Variants in HDLBP observed in about 807,000 individuals in gnomAD.
HDLBP encodes high density lipoprotein binding protein, also known as vigilin.
In HDLBP, 30 loss-of-function variants were observed where a neutral mutation model predicts 137.3. That is an observed-to-expected ratio of 0.22 (90% confidence interval 0.16 to 0.30). HDLBP has a LOEUF of 0.30. Ranked by LOEUF, HDLBP falls within the 10% of genes least tolerant of loss-of-function variation. HDLBP has a pLI of 1.00. For synonymous variants in HDLBP, 606 were observed against 596.0 expected (o/e 1.02, Z -0.24); for missense variants, 1,119 against 1,667.3 (o/e 0.67, Z 5.73).
chr2:241,288,225 T>C lies in HDLBP; in HGVS notation c.-102-19684A>G, dbSNP rs113788336. Among the ~76,000 whole-genome samples, 145 of 152,382 alleles carry C rather than the reference T, an allele frequency of 9.5e-4. 2 individuals are homozygous for C. The highest frequency in any genetic ancestry group is 3.0e-3 in the African/African-American group (126 of 41,598). ...TATTCTCATTACAATTGCCACGTTA[T>C]CTGCAAGACGTCTGAATTAAAATTT... On this transcript the variant is annotated intron_variant, in intron 1 of 27. Coordinates refer to ENST00000310931, the MANE Select transcript of HDLBP (RefSeq NM_005336.6).
At chr2:241,313,223 A>G (rs1011054994) in intron 1 of HDLBP, among the ~76,000 whole-genome samples, 5 of 152,184 alleles carry the variant, frequency 3.3e-5, no homozygotes, top group Non-Finnish European at 7.3e-5. Context: ...TCTTCTACAA[A>G]TAAGTCTCTC....
chr2:241,310,517 C>T (rs530628980), intron 1 of HDLBP, among the ~76,000 whole-genome samples: 65 of 152,124 alleles, frequency 4.3e-4, no homozygotes, highest in African/African-American at 1.5e-3. Context: ...TCACTTTGTA[C>T]CCCCTAAATA....
At chr2:241,263,350 CCA>C (rs1387087008) in intron 4 of HDLBP, among the ~76,000 whole-genome samples, 1 of 152,180 alleles carries the variant, frequency 6.6e-6, no homozygotes, top group African/African-American at 2.4e-5. Flanking sequence ...GGTGCACACA[CCA>C]GAGGGGGACA....
rs1489363665 is a variant in HDLBP at position 241,227,303 on chromosome 2, TTTTA to T, written c.*2294_*2297del. ...CCAGCATGCTACATCTGGTTTCGGG[TTTTA>T]TTTTAGAATTTATAAAATTCCAGTG... On this transcript the variant is annotated 3_prime_UTR_variant, in exon 28 of 28. Coordinates refer to ENST00000310931, the MANE Select transcript of HDLBP (RefSeq NM_005336.6). 6.6e-6 allele frequency: 1 copy of T among 152,338 alleles called. No homozygotes were observed. Among genetic ancestry groups the T allele is most frequent in the Non-Finnish European group, 1.5e-5 (1 of 68,004 alleles). The allele number at this position is 152,338 out of a possible 1,614,324, so 9.4% of individuals were successfully genotyped here.
intron 7 of HDLBP, among the ~76,000 whole-genome samples, chr2:241,255,866 A>G (rs1206891470): frequency 1.3e-5 from 2 of 152,238 alleles, no homozygotes; most frequent in African/African-American, 2.4e-5. Flanking sequence ...TCAGACCTCA[A>G]AGTTCACTAA....
rs890886714 is a variant in HDLBP at position 241,228,714 on chromosome 2, A to AC, written c.*886dup. The AC allele has an allele frequency of 2.7e-4, 42 of 153,116 alleles. No individual in the cohort carries two copies. Among genetic ancestry groups the AC allele is most frequent in the African/African-American group, 9.9e-4 (41 of 41,590 alleles). 9.5% of individuals were successfully genotyped at this position (153,116 alleles called of 1,614,324 possible). ...AGGTAGAAAGAAGGCAACTGAACACACAGCAGCTAGGGCAGGGGCAGGGAG... is the reference window on the plus strand; with the variant it reads ...AGGTAGAAAGAAGGCAACTGAACACACCAGCAGCTAGGGCAGGGGCAGGGAG... On this transcript the variant is annotated 3_prime_UTR_variant, in exon 28 of 28. Coordinates refer to ENST00000310931, the MANE Select transcript of HDLBP (RefSeq NM_005336.6).
chr2:241,300,400 T>C (rs1272075184), intron 1 of HDLBP, among the ~76,000 whole-genome samples: 1 of 152,138 alleles, frequency 6.6e-6, no homozygotes, highest in Non-Finnish European at 1.5e-5. Context: ...TAGGAATATT[T>C]AAGCAGGGTG....
intron 21 of HDLBP, chr2:241,236,311 A>T: frequency 5.1e-6 from 2 of 393,668 alleles, no homozygotes; most frequent in Non-Finnish European, 4.6e-6. Flanking sequence ...GGTCACATTC[A>T]TCCCCCTGCA....
intron 1 of HDLBP, among the ~76,000 whole-genome samples, chr2:241,310,636 A>C (rs779366155): frequency 2.0e-5 from 3 of 150,852 alleles, no homozygotes; most frequent in Non-Finnish European, 4.4e-5. Flanking sequence ...CAATCCAGAA[A>C]GTCCAAGAGT....
Position 241,236,611 on chromosome 2 carries a change from A to G in HDLBP, c.2904+4T>C, listed in dbSNP as rs2149366111. 2 of 1,613,568 alleles carry G rather than the reference A, an allele frequency of 1.2e-6. No individual in the cohort carries two copies. The highest frequency in any genetic ancestry group is 1.7e-6 in the Non-Finnish European group (2 of 1,179,752). On this transcript the variant is annotated splice_donor_region_variant and intron_variant, in intron 21 of 27. Transcript: ENST00000310931. ...GGGGTGGAGGGGGGCACATGGACAC[A>G]TACCTCCAGAGCTTCCTTGGCAGCC... is the stretch of plus-strand genomic sequence containing the variant.
intron 1 of HDLBP, chr2:241,279,891 C>T: frequency 2.0e-6 from 2 of 983,392 alleles, no homozygotes; most frequent in Non-Finnish European, 2.4e-6. Flanking sequence ...CATGGATAAA[C>T]AGAGGTATAC....
intron 1 of HDLBP, among the ~76,000 whole-genome samples, chr2:241,277,910 G>A (rs929970262): frequency 2.6e-5 from 4 of 151,912 alleles, no homozygotes; most frequent in South Asian, 2.1e-4. Context: ...GCCGTGGGCC[G>A]AGACCACGCC....
Position 241,238,637 on chromosome 2 carries a change from T to C in HDLBP, c.2749+12A>G, listed in dbSNP as rs962799072. ...CTATTAACAAGCAGAGCAGGGCTAA[T>C]GGGGGACCCACCTGCGTTCTCCTCT... On this transcript the variant is annotated intron_variant, in intron 20 of 27. Coordinates refer to ENST00000310931, the MANE Select transcript of HDLBP (RefSeq NM_005336.6). This position sits in a 1 kb window ranked among gnomAD's most constrained non-coding sequence, Gnocchi z 4.9. 7 of 1,551,728 alleles carry C rather than the reference T, an allele frequency of 4.5e-6. No homozygotes were observed. The highest frequency in any genetic ancestry group is 6.1e-6 in the Non-Finnish European group (7 of 1,140,888).
rs1323262283 is a variant in HDLBP, at chr2:241,234,829, A to G, written c.3144+292T>C. Among the ~76,000 whole-genome samples the G allele has an allele frequency of 1.3e-5, 2 of 152,148 alleles. 1 individual carries two copies. The highest frequency in any genetic ancestry group is 2.9e-5 in the Non-Finnish European group (2 of 68,028). On this transcript the variant is annotated intron_variant, in intron 23 of 27. Transcript: ENST00000310931. Reference sequence around the variant, plus strand: ...TGCTTGGGGGCCTCTCGCAACCTTGACCTTTCTTGTAGGTCTGAGGTACCA... The same window carrying G: ...TGCTTGGGGGCCTCTCGCAACCTTGGCCTTTCTTGTAGGTCTGAGGTACCA...
intron 11 of HDLBP, chr2:241,251,010 C>T (rs2072101406): frequency 6.6e-6 from 1 of 152,142 alleles, no homozygotes; most frequent in Non-Finnish European, 1.5e-5. Context: ...CTCTGTCACC[C>T]AGGCTAAAAT....
chr2:241,264,661 AC>A, intron 3 of HDLBP, 56 bp from the exon 4 acceptor site: 3 of 1,563,234 alleles, frequency 1.9e-6, no homozygotes, highest in Non-Finnish European at 2.6e-6. Flanking sequence ...TACATGAAAA[AC>A]ACTTTTAAGG....
chr2:241,253,689 C>T (rs2072386875), intron 9 of HDLBP, among the ~76,000 whole-genome samples, 192 bp from the exon 10 acceptor site: 1 of 152,166 alleles, frequency 6.6e-6, no homozygotes, highest in Admixed American at 6.5e-5. Flanking sequence ...AGTCAGGAAA[C>T]TAAATACTGT....
At chr2:241,277,993 A>T (rs1031227728) in intron 1 of HDLBP, among the ~76,000 whole-genome samples, 7 of 152,066 alleles carry the variant, frequency 4.6e-5, no homozygotes, top group Non-Finnish European at 1.0e-4. Context: ...ACAACAAAAT[A>T]ATACAACAAA....
intron 23 of HDLBP, among the ~76,000 whole-genome samples, chr2:241,234,826 T>C (rs1263330621): frequency 6.6e-6 from 1 of 152,246 alleles, no homozygotes; most frequent in Non-Finnish European, 1.5e-5. Context: ...TCTCGCAACC[T>C]TGACCTTTCT....
Sources: allele counts gnomAD v4.1 joint callset (sites outside exome capture counted in the v4.1 genomes callset), GRCh38; gene constraint gnomAD v4.1.1; non-coding constraint Gnocchi (gnomAD v3.1); transcripts MANE v1.5; gene names NCBI Gene and HGNC (gene_info 2026-07-23, HGNC 2026-07-21).